Variants in MREG observed in about 807,000 individuals in gnomAD.
MREG encodes the protein dilute suppressor protein homolog.
MREG carries 31 observed loss-of-function variants against 28.5 expected under a neutral mutation model. That is an observed-to-expected ratio of 1.09 (90% confidence interval 0.82 to 1.47). The LOEUF is 1.47. MREG is among the 40% of genes most tolerant of loss of function. MREG has a pLI of 0.00. For missense variants in MREG, 256 were observed against 257.4 expected, an observed-to-expected ratio of 0.99 and a Z score of 0.04; for synonymous variants, 106 against 95.2, an observed-to-expected ratio of 1.11 and a Z score of -0.66.
upstream of MREG, among the ~76,000 whole-genome samples, chr2:216,015,051 A>G (rs1379565907): frequency 6.6e-6 from 1 of 151,870 alleles, no homozygotes; most frequent in African/African-American, 2.4e-5. Flanking sequence ...GTCCATATGT[A>G]CTATGGAGAA....
At chr2:215,939,911 T>C (rs1048436528), downstream of MREG, among the ~76,000 whole-genome samples, 2 of 65,400 alleles carry the variant, frequency 3.1e-5, no homozygotes, top group Admixed American at 1.6e-4. Context: ...AAACTACAGA[T>C]GTTTTTTTAA....
chr2:216,014,129 G>C (rs539047117), upstream of MREG, among the ~76,000 whole-genome samples: 6 of 152,058 alleles, frequency 3.9e-5, no homozygotes, highest in African/African-American at 1.2e-4. Context: ...ACACATTTCT[G>C]CACCTGGCTT....
At chr2:216,024,887 A>G (rs1291974175) in intron 1 of MREG, among the ~76,000 whole-genome samples, 4 of 148,820 alleles carry the variant, frequency 2.7e-5, no homozygotes, top group African/African-American at 9.8e-5. Flanking sequence ...TGTCTCAAAA[A>G]AAAAAAAGGA....
At chr2:216,025,349 AGAG>A (rs1694579982) in intron 1 of MREG, among the ~76,000 whole-genome samples, 1 of 152,234 alleles carries the variant, frequency 6.6e-6, no homozygotes, top group Admixed American at 6.5e-5. Flanking sequence ...TTCTCAACTT[AGAG>A]GAGGTGCAGA....
At chr2:215,948,012 A>G (rs1341799480) in intron 2 of MREG, among the ~76,000 whole-genome samples, 1 of 152,216 alleles carries the variant, frequency 6.6e-6, no homozygotes, top group Non-Finnish European at 1.5e-5. Flanking sequence ...TAGCAAAGAC[A>G]TTAACCACAC....
At chr2:216,014,848 G>C (rs1190870659), upstream of MREG, among the ~76,000 whole-genome samples, 1 of 152,004 alleles carries the variant, frequency 6.6e-6, no homozygotes, top group African/African-American at 2.4e-5. Context: ...CAAATGCAAG[G>C]TTCAATCTAA....
At chr2:216,003,796 T>C (rs746922961) in intron 1 of MREG, among the ~76,000 whole-genome samples, 1 of 152,178 alleles carries the variant, frequency 6.6e-6, no homozygotes, top group Admixed American at 6.5e-5. Flanking sequence ...CAGAAAATCC[T>C]ATTGGTCCAC....
At chr2:215,970,099 T>G (rs1370925176) in intron 2 of MREG, among the ~76,000 whole-genome samples, 2 of 152,228 alleles carry the variant, frequency 1.3e-5, no homozygotes, top group Admixed American at 6.5e-5. Context: ...GAATGTGACC[T>G]TATTTAGACA....
At chr2:215,956,514 A>T (rs1692632310) in intron 2 of MREG, among the ~76,000 whole-genome samples, 1 of 152,112 alleles carries the variant, frequency 6.6e-6, no homozygotes, top group African/African-American at 2.4e-5. Context: ...GAAATTAAAA[A>T]TTTTATAGTA....
At chr2:215,994,233 T>TA (rs1408311357) in intron 2 of MREG, among the ~76,000 whole-genome samples, 1 of 151,860 alleles carries the variant, frequency 6.6e-6, no homozygotes, top group African/African-American at 2.4e-5. Flanking sequence ...TATGCAGCCA[T>TA]AAAAATGGAT....
intron 2 of MREG, among the ~76,000 whole-genome samples, chr2:215,996,007 C>T (rs1283175873): frequency 1.3e-5 from 2 of 152,176 alleles, no homozygotes; most frequent in African/African-American, 2.4e-5. Context: ...TAGAGATGGA[C>T]GGTTTAAGCC....
chr2:216,025,759 G>A (rs1045452410), intron 1 of MREG, among the ~76,000 whole-genome samples: 4 of 152,212 alleles, frequency 2.6e-5, no homozygotes, highest in African/African-American at 7.2e-5. Context: ...CCTTCCTTCC[G>A]GAGGGAGGAT....
intron 1 of MREG, among the ~76,000 whole-genome samples, chr2:216,012,631 C>T (rs1282618579): frequency 6.6e-6 from 1 of 152,210 alleles, no homozygotes; most frequent in Non-Finnish European, 1.5e-5. Context: ...ATGGTCTCTT[C>T]ACAAAGCCTC....
At chr2:215,952,591 A>C (rs1692519001) in intron 2 of MREG, among the ~76,000 whole-genome samples, 1 of 152,200 alleles carries the variant, frequency 6.6e-6, no homozygotes, top group Admixed American at 6.5e-5. Context: ...TTATACACTT[A>C]AAGAAATATG....
intron 2 of MREG, among the ~76,000 whole-genome samples, chr2:215,995,509 A>G (rs61457386): frequency 3.6e-4 from 34 of 95,200 alleles, no homozygotes; most frequent in African/African-American, 7.4e-4. Context: ...CACCCACCCC[A>G]CCCCCCGCCA....
chr2:215,950,878 G>A (rs540483954), intron 2 of MREG, among the ~76,000 whole-genome samples: 27 of 152,230 alleles, frequency 1.8e-4, no homozygotes, highest in African/African-American at 6.0e-4. Context: ...CCTGGTGGGA[G>A]GTGACTGGAT....
chr2:216,012,739 A>T (rs1694345447), intron 1 of MREG, among the ~76,000 whole-genome samples: 1 of 152,222 alleles, frequency 6.6e-6, no homozygotes, highest in African/African-American at 2.4e-5. Flanking sequence ...TTGATGAAAC[A>T]TGCATTTTTT....
At chr2:216,003,610 G>A (rs979792807) in intron 1 of MREG, among the ~76,000 whole-genome samples, 5 of 152,016 alleles carry the variant, frequency 3.3e-5, no homozygotes, top group Non-Finnish European at 7.4e-5. Context: ...TCCCATCTCC[G>A]CTGGGATGTC....
At chr2:215,971,571 CA>C (rs2105990310) in intron 2 of MREG, among the ~76,000 whole-genome samples, 1 of 152,322 alleles carries the variant, frequency 6.6e-6, no homozygotes, top group South Asian at 2.1e-4. Context: ...GGTCCTGAGC[CA>C]GTTCCTCCAG....
Sources: gnomAD v4.1 joint callset for allele counts (sites outside exome capture counted in the v4.1 genomes callset) on GRCh38, gnomAD v4.1.1 for gene constraint, MANE v1.5 for transcripts, NCBI Gene and HGNC (gene_info 2026-07-23, HGNC 2026-07-21) for gene names.